Variants in CCDC178 observed in about 807,000 individuals in gnomAD.
CCDC178 encodes the protein coiled-coil domain containing 178, also known as coiled-coil domain-containing protein 178.
In CCDC178, 126 loss-of-function variants were observed where a neutral mutation model predicts 117.4. The observed-to-expected ratio is 1.07, with a 90% CI of 0.93 to 1.24. CCDC178 has a LOEUF of 1.24. Among genes scored for constraint, CCDC178 ranks in the 50% most tolerant of loss-of-function variants. The pLI, the probability that CCDC178 is intolerant of heterozygous loss-of-function variation, is 0.00. For synonymous variants in CCDC178, 283 were observed against 313.4 expected (o/e 0.90, Z 1.02); for missense variants, 1,030 against 986.9 (o/e 1.04, Z -0.59).
In CCDC178 at chr18:33,255,407, G is replaced by A. The variant is rs181123287; in HGVS notation, c.1410-9979C>T. The stretch of plus-strand genomic sequence containing the variant: ...ATGACTTTATCCAATAGCTGGTAGG[G>A]AGCCTATGAAATGTTTTTAAGCTGC... On this transcript the variant is annotated intron_variant, in intron 14 of 22. Coordinates refer to ENST00000383096, the MANE Select transcript of CCDC178 (RefSeq NM_001105528.4). Among the ~76,000 whole-genome samples the A allele has an allele frequency of 5.7e-3, 868 of 152,186 alleles. 5 individuals carry two copies. Among genetic ancestry groups the A allele is most frequent in the Non-Finnish European group, 9.3e-3 (632 of 67,994 alleles).
At chr18:33,286,142 T>C (rs1343577047) in intron 12 of CCDC178, among the ~76,000 whole-genome samples, 1 of 150,868 alleles carries the variant, frequency 6.6e-6, no homozygotes, top group Non-Finnish European at 1.5e-5. Context: ...CTGGGCTAAT[T>C]TTTGTATATT....
intron 21 of CCDC178, among the ~76,000 whole-genome samples, chr18:32,990,984 A>G (rs1486952653): frequency 6.6e-6 from 1 of 151,456 alleles, no homozygotes; most frequent in Non-Finnish European, 1.5e-5. Context: ...TTATATTATG[A>G]GTAGTTATCT....
At position 33,224,851 on chromosome 18, in the gene CCDC178, G is replaced by T. The variant is rs766863605; in HGVS notation, c.1742C>A (p.Ala581Glu). ...KNRAICAMSLAELQEPLLQLE... is the reference protein window; with the variant it reads ...KNRAICAMSLEELQEPLLQLE... ...TTGAAGCAGAGGTTCCTGTAGTTCT[G>T]CCAGTGACATGGCACATATTGCTCT... The change falls in exon 17 of 23, where the codon GCA (alanine) becomes GAA (glutamate). Residue 581 changes from alanine to glutamate, a missense_variant. Ala to Glu is a moderately radical substitution (Grantham distance 107). Transcript: ENST00000383096. 3.2e-6 allele frequency: 5 copies of T among 1,581,528 alleles called. No homozygotes were observed. The South Asian group carries it at 5.8e-5, about 18-fold the overall frequency.
At chr18:33,033,313 T>A (rs764413380) in intron 21 of CCDC178, among the ~76,000 whole-genome samples, 30 of 152,214 alleles carry the variant, frequency 2.0e-4, no homozygotes, top group Non-Finnish European at 4.0e-4. Flanking sequence ...AAAAAATATT[T>A]CTTTTTCTCC....
At chr18:33,316,322 G>C (rs1292843963) in intron 11 of CCDC178, among the ~76,000 whole-genome samples, 1 of 152,180 alleles carries the variant, frequency 6.6e-6, no homozygotes, top group Non-Finnish European at 1.5e-5. Context: ...CACTCGAAGC[G>C]GCCGGCTGCA....
intron 22 of CCDC178, among the ~76,000 whole-genome samples, chr18:32,950,951 T>C (rs964424111): frequency 6.6e-6 from 1 of 152,134 alleles, no homozygotes; most frequent in African/African-American, 2.4e-5. Flanking sequence ...TTCTAACATA[T>C]TTTTTTCTAG....
In CCDC178 at chr18:33,019,913, ATATTATTATTATTATTAT is replaced by A. The variant is rs35536059; in HGVS notation, c.2389-45250_2389-45233del. 3.3e-3 allele frequency among the ~76,000 whole-genome samples: 448 copies of A among 137,692 alleles called. 2 individuals are homozygous for A. Among genetic ancestry groups the A allele is most frequent in the African/African-American group, 9.1e-3 (338 of 37,120 alleles). The allele number at this position is 137,692 out of a possible 152,430, so 90.3% of individuals were successfully genotyped here. A position where few individuals can be genotyped will look rare whatever the true frequency, so the allele number is the denominator to read the frequency against. On this transcript the variant is annotated intron_variant, in intron 21 of 22. Transcript: ENST00000383096. ...TCATTTCATGATCCTCTTAACTGAGATATTATTATTATTATTATTATTATTATTATTATTATTATTATT... is the reference window on the plus strand; with the variant it reads ...TCATTTCATGATCCTCTTAACTGAGATATTATTATTATTATTATTATTATT...
At chr18:33,323,932 T>C (rs1235296852) in intron 10 of CCDC178, among the ~76,000 whole-genome samples, 1 of 151,752 alleles carries the variant, frequency 6.6e-6, no homozygotes, top group African/African-American at 2.4e-5. Flanking sequence ...ATTTAAAAAA[T>C]CAGAAAACAA....
chr18:33,362,174 T>C (rs1412753023), intron 6 of CCDC178, among the ~76,000 whole-genome samples: 1 of 59,498 alleles, frequency 1.7e-5, no homozygotes. Flanking sequence ...TGTGTATGTC[T>C]GTATGTATAT....
chr18:33,111,254 C>T (rs1158171852), intron 20 of CCDC178, among the ~76,000 whole-genome samples: 1 of 151,386 alleles, frequency 6.6e-6, no homozygotes, highest in African/African-American at 2.4e-5. Flanking sequence ...TCCATTGATT[C>T]TCACAAATTC....
intron 21 of CCDC178, among the ~76,000 whole-genome samples, chr18:33,067,616 G>A (rs1027479726): frequency 9.9e-5 from 15 of 152,230 alleles, no homozygotes; most frequent in East Asian, 1.9e-4. Flanking sequence ...AGGCTGAAGC[G>A]GGTGGATGAC....
At chr18:33,126,336 T>C (rs185559575) in intron 20 of CCDC178, among the ~76,000 whole-genome samples, 9 of 149,454 alleles carry the variant, frequency 6.0e-5, no homozygotes, top group African/African-American at 1.5e-4. Context: ...TGTGTATATG[T>C]GTATATATTA....
intron 14 of CCDC178, among the ~76,000 whole-genome samples, chr18:33,251,814 A>G (rs1488556224): frequency 6.6e-6 from 1 of 151,720 alleles, no homozygotes. Flanking sequence ...CTGTGAGGCT[A>G]CTTAGCATAC....
intron 9 of CCDC178, among the ~76,000 whole-genome samples, chr18:33,338,875 A>C (rs916680287): frequency 6.6e-6 from 1 of 152,120 alleles, no homozygotes; most frequent in Admixed American, 6.6e-5. Context: ...CCTGTTCCCC[A>C]AAAACCTAAT....
intron 6 of CCDC178, among the ~76,000 whole-genome samples, chr18:33,359,910 G>GTTTATTTAAGTT (rs1298383630): frequency 2.0e-5 from 3 of 151,102 alleles, no homozygotes; most frequent in Non-Finnish European, 4.4e-5. Flanking sequence ...CATTTCCATT[G>GTTTATTTAAGTT]ACCTTGTTTA....
intron 20 of CCDC178, among the ~76,000 whole-genome samples, chr18:33,118,020 T>C (rs936167813): frequency 2.0e-5 from 3 of 152,098 alleles, no homozygotes; most frequent in African/African-American, 4.8e-5. Context: ...GTAACCCCTG[T>C]CTGACAACCA....
intron 20 of CCDC178, among the ~76,000 whole-genome samples, chr18:33,096,917 G>A (rs2057551066): frequency 6.6e-6 from 1 of 152,092 alleles, no homozygotes; most frequent in Non-Finnish European, 1.5e-5. Flanking sequence ...TTGTAGCAAT[G>A]ATCTGAGACT....
At chr18:33,268,878 A>C (rs2059852998) in intron 12 of CCDC178, among the ~76,000 whole-genome samples, 1 of 151,834 alleles carries the variant, frequency 6.6e-6, no homozygotes, top group African/African-American at 2.4e-5. Context: ...TCTAGGGAGC[A>C]CTGATTTAAT....
At chr18:32,999,324 T>C (rs1224119767) in intron 21 of CCDC178, among the ~76,000 whole-genome samples, 1 of 152,120 alleles carries the variant, frequency 6.6e-6, no homozygotes, top group Non-Finnish European at 1.5e-5. Flanking sequence ...CACAGTAGAA[T>C]AGAGCACCAG....
Sources: gnomAD v4.1 joint callset for allele counts (sites outside exome capture counted in the v4.1 genomes callset) on GRCh38, gnomAD v4.1.1 for gene constraint, MANE v1.5 for transcripts, NCBI Gene and HGNC (gene_info 2026-07-23, HGNC 2026-07-21) for gene names.